Variants in ADGRE2 observed in about 807,000 individuals in gnomAD.
The protein encoded by ADGRE2 is CD97 antigen.
In ADGRE2, 83 loss-of-function variants were observed where a neutral mutation model predicts 100.8. That is an observed-to-expected ratio of 0.82 (90% CI 0.69 to 0.99). The LOEUF (loss-of-function observed/expected upper bound fraction) is 0.99, where lower values mean the gene tolerates loss of function less well. Ranked by LOEUF, ADGRE2 falls within the 50% of genes least tolerant of loss-of-function variation. ADGRE2 has a pLI of 0.00. For synonymous variants in ADGRE2, 355 were observed against 413.0 expected, an observed-to-expected ratio of 0.86 and a Z score of 1.70; for missense variants, 814 against 1,035.7, an observed-to-expected ratio of 0.79 and a Z score of 2.94.
chr19:14,727,348 G>C, the ADGRE2 span, among the ~76,000 whole-genome samples: 4 of 152,160 alleles, frequency 2.6e-5, no homozygotes, highest in African/African-American at 9.7e-5. Context: ...GGTTTAATTG[G>C]CTCACTGTTT....
chr19:14,745,563 C>G (rs1029475), intron 18 of ADGRE2, among the ~76,000 whole-genome samples: 51,890 of 152,064 alleles, frequency 0.34, 9,119 homozygotes, highest in South Asian at 0.55. Context: ...CTTGCCCACT[C>G]ACATACCCTT....
intron 1 of ADGRE2, among the ~76,000 whole-genome samples, chr19:14,777,703 T>G (rs1455419967): frequency 6.7e-6 from 1 of 150,330 alleles, no homozygotes; most frequent in Admixed American, 6.6e-5. Context: ...GTCCAGGTGT[T>G]CTCATTGCTC....
chr19:14,745,128 G>A (rs929460418), intron 18 of ADGRE2, among the ~76,000 whole-genome samples: 2 of 151,752 alleles, frequency 1.3e-5, no homozygotes, highest in Non-Finnish European at 2.9e-5. Flanking sequence ...GGCTGGTCTC[G>A]AACTCCTGAC....
intron 15 of ADGRE2, among the ~76,000 whole-genome samples, chr19:14,751,892 T>TACACACAC (rs149318162): frequency 7.2e-6 from 1 of 139,568 alleles, no homozygotes; most frequent in African/African-American, 2.7e-5. Flanking sequence ...TATATACGTA[T>TACACACAC]ACACACACAC....
rs776374082 is a variant in ADGRE2, at chr19:14,756,224, A to G, written c.1192+14T>C. The G allele has an allele frequency of 2.5e-6, 4 of 1,578,178 alleles. No homozygotes were observed. Among genetic ancestry groups the G allele is most frequent in the Non-Finnish European group, 2.6e-6 (3 of 1,147,456 alleles). ...ATGAAGCTTCACTGACCACCTCCCC[A>G]TCTCAGCCATTACCTGGGTCACCAG... On this transcript the variant is annotated intron_variant, in intron 12 of 20. Transcript: ENST00000315576.
chr19:14,757,966 G>C (rs1460216843), intron 11 of ADGRE2, among the ~76,000 whole-genome samples: 2 of 152,134 alleles, frequency 1.3e-5, no homozygotes, highest in African/African-American at 4.8e-5. Flanking sequence ...AACACATCTG[G>C]TTAATTATTT....
rs2042717436 is a variant in ADGRE2 at position 14,734,642 on chromosome 19, G to T, written c.*1594C>A. The T allele has an allele frequency of 6.6e-6, 1 of 152,214 alleles. No homozygotes were observed. Among genetic ancestry groups the T allele is most frequent in the Admixed American group, 6.5e-5 (1 of 15,280 alleles). 9.4% of individuals were successfully genotyped at this position (152,214 alleles called of 1,614,324 possible). A position where few individuals can be genotyped will look rare whatever the true frequency, so the allele number is the denominator to read the frequency against. ...AGATTTCACCATGTTGACCAGGCTG[G>T]TCTTGAACTCCTGACCTTAGGTGAT... On this transcript the variant is annotated 3_prime_UTR_variant, in exon 21 of 21. Coordinates refer to ENST00000315576, the MANE Select transcript of ADGRE2 (RefSeq NM_013447.4).
chr19:14,748,634 A>G (rs2043166299), intron 16 of ADGRE2, among the ~76,000 whole-genome samples: 1 of 152,158 alleles, frequency 6.6e-6, no homozygotes, highest in African/African-American at 2.4e-5. Flanking sequence ...TGGCTGCATC[A>G]TGTACAAGTT....
the ADGRE2 span, among the ~76,000 whole-genome samples, chr19:14,725,030 G>A: frequency 1.3e-5 from 2 of 152,290 alleles, no homozygotes; most frequent in South Asian, 2.1e-4. Context: ...ACGGGCTCAC[G>A]GTTCTGCAGG....
At chr19:14,757,681 C>G (rs1335454048) in intron 11 of ADGRE2, among the ~76,000 whole-genome samples, 4 of 152,192 alleles carry the variant, frequency 2.6e-5, no homozygotes, top group African/African-American at 7.2e-5. Flanking sequence ...TAACCCTACC[C>G]TCACACAACA....
chr19:14,740,644 T>G (rs552164125), intron 20 of ADGRE2, among the ~76,000 whole-genome samples: 33 of 141,770 alleles, frequency 2.3e-4, no homozygotes, highest in East Asian at 1.0e-3. Flanking sequence ...AAAAGAAAAA[T>G]AAAAAAGGAA....
intron 2 of ADGRE2, chr19:14,776,412 C>T: frequency 6.2e-6 from 2 of 322,194 alleles, no homozygotes; most frequent in African/African-American, 2.2e-5. Context: ...ACTTTTTGCC[C>T]CTTTCCTTCC....
Position 14,776,767 on chromosome 19 carries a change from G to A in ADGRE2, c.-11C>T. On this transcript the variant is annotated 5_prime_UTR_variant, in exon 2 of 21. Transcript: ENST00000315576. Reference sequence around the variant, plus strand: ...GACGCGGCCTCCCATGGTTCCAGCTGAGCTGCCGGCAGGAGCAGCAGGGGA... The same window carrying A: ...GACGCGGCCTCCCATGGTTCCAGCTAAGCTGCCGGCAGGAGCAGCAGGGGA... 2.5e-6 allele frequency: 4 copies of A among 1,613,426 alleles called. No homozygotes were observed. The South Asian group carries it at 4.4e-5, about 18-fold the overall frequency.
Position 14,734,743 on chromosome 19 carries a change from T to C in ADGRE2, c.*1493A>G, listed in dbSNP as rs2042719026. The C allele has an allele frequency of 6.6e-6, 1 of 152,118 alleles. No individual in the cohort carries two copies. The highest frequency in any genetic ancestry group is 2.4e-5 in the African/African-American group (1 of 41,394). The allele number at this position is 152,118 out of a possible 1,614,324, so 9.4% of individuals were successfully genotyped here. A position where few individuals can be genotyped will look rare whatever the true frequency, so the allele number is the denominator to read the frequency against. Reference sequence around the variant, plus strand: ...TGCCTGGCCAGGAGCAGAGGTTTAATAGGCAAAAGAAAGAGAAAGGAGAAC... The same window carrying C: ...TGCCTGGCCAGGAGCAGAGGTTTAACAGGCAAAAGAAAGAGAAAGGAGAAC... On this transcript the variant is annotated 3_prime_UTR_variant, in exon 21 of 21. Transcript: ENST00000315576.
At chr19:14,773,158 C>T (rs908442984) in intron 4 of ADGRE2, among the ~76,000 whole-genome samples, 4 of 146,182 alleles carry the variant, frequency 2.7e-5, no homozygotes, top group Non-Finnish European at 4.5e-5. Context: ...CCAGAATGTA[C>T]CCCCTTCCCA....
chr19:14,770,586 C>T (rs1251097897), intron 5 of ADGRE2, among the ~76,000 whole-genome samples: 1 of 152,118 alleles, frequency 6.6e-6, no homozygotes, highest in African/African-American at 2.4e-5. Flanking sequence ...GGCTGAAAAC[C>T]TCTCCATTCC....
chr19:14,725,572 A>G, the ADGRE2 span, among the ~76,000 whole-genome samples: 10 of 152,322 alleles, frequency 6.6e-5, no homozygotes, highest in Non-Finnish European at 1.5e-4. Context: ...CCAAGAGAAG[A>G]TGGTGGTATG....
At chr19:14,729,446 A>G (rs1189378106), downstream of ADGRE2, among the ~76,000 whole-genome samples, 1 of 152,030 alleles carries the variant, frequency 6.6e-6, no homozygotes, top group East Asian at 1.9e-4. Context: ...GCAGCCTCAA[A>G]CTACTGGGCT....
intron 16 of ADGRE2, among the ~76,000 whole-genome samples, chr19:14,749,277 A>T (rs1005954704): frequency 6.9e-6 from 1 of 144,720 alleles, no homozygotes; most frequent in Admixed American, 7.0e-5. Flanking sequence ...GGAAGCATAT[A>T]ATTATGCTTA....
Sources: gnomAD v4.1 joint callset for allele counts (sites outside exome capture counted in the v4.1 genomes callset) on GRCh38, gnomAD v4.1.1 for gene constraint, MANE v1.5 for transcripts, NCBI Gene and HGNC (gene_info 2026-07-23, HGNC 2026-07-21) for gene names.